Variants in ENTREP2 observed in about 807,000 individuals in gnomAD.
ENTREP2 encodes the protein endosomal transmembrane epsin interactor 2.
At chr15:29,155,290 A>C in the ENTREP2 span, among the ~76,000 whole-genome samples, 1 of 44,556 alleles carries the variant, frequency 2.2e-5, no homozygotes, top group Non-Finnish European at 4.3e-5. Context: ...TCATAAAAAG[A>C]AAAAAAAAAA....
chr15:29,560,707 G>T, the ENTREP2 span, among the ~76,000 whole-genome samples: 1 of 152,036 alleles, frequency 6.6e-6, no homozygotes, highest in South Asian at 2.1e-4. Context: ...CTCATCTAGG[G>T]AGGTCTGTTT....
At chr15:29,199,115 T>C in the ENTREP2 span, among the ~76,000 whole-genome samples, 1 of 152,230 alleles carries the variant, frequency 6.6e-6, no homozygotes, top group East Asian at 1.9e-4. Flanking sequence ...AAATACCTAT[T>C]GATCAGAGCT....
At chr15:29,293,184 A>G in the ENTREP2 span, among the ~76,000 whole-genome samples, 1 of 152,198 alleles carries the variant, frequency 6.6e-6, no homozygotes. Context: ...TGCACTAGGT[A>G]GGGAGGTTTT....
At chr15:29,253,452 C>T in the ENTREP2 span, among the ~76,000 whole-genome samples, 4 of 142,638 alleles carry the variant, frequency 2.8e-5, no homozygotes, top group Non-Finnish European at 3.0e-5. Flanking sequence ...GTCTCTCTCT[C>T]TTTTTTTTTT....
the ENTREP2 span, among the ~76,000 whole-genome samples, chr15:29,179,579 C>T: frequency 6.8e-6 from 1 of 147,670 alleles, no homozygotes; most frequent in Non-Finnish European, 1.5e-5. Context: ...GGGCCGGAGT[C>T]GTCTTTTTTT....
At chr15:29,662,116 C>G in the ENTREP2 span, among the ~76,000 whole-genome samples, 1 of 149,426 alleles carries the variant, frequency 6.7e-6, no homozygotes, top group Admixed American at 6.8e-5. Flanking sequence ...GAGGCTGAAG[C>G]CAGAGGATTG....
At chr15:29,170,205 G>A in the ENTREP2 span, among the ~76,000 whole-genome samples, 14 of 151,196 alleles carry the variant, frequency 9.3e-5, no homozygotes, top group African/African-American at 3.4e-4. Flanking sequence ...CTACTCAGGA[G>A]GCTGAGGCAG....
chr15:29,645,488 T>C, the ENTREP2 span, among the ~76,000 whole-genome samples: 1 of 152,188 alleles, frequency 6.6e-6, no homozygotes, highest in Non-Finnish European at 1.5e-5. Flanking sequence ...CTCACCAAAG[T>C]TGCCACATTA....
the ENTREP2 span, among the ~76,000 whole-genome samples, chr15:29,371,495 A>G: frequency 6.6e-6 from 1 of 152,190 alleles, no homozygotes; most frequent in Non-Finnish European, 1.5e-5. Context: ...TGGGAAAAAA[A>G]TAGCATAAAT....
chr15:29,138,444 T>C, the ENTREP2 span, among the ~76,000 whole-genome samples: 1 of 152,152 alleles, frequency 6.6e-6, no homozygotes, highest in African/African-American at 2.4e-5. Context: ...GGCAAGAAGA[T>C]CCATGCTGCA....
chr15:29,578,228 G>A, the ENTREP2 span, among the ~76,000 whole-genome samples: 6 of 152,196 alleles, frequency 3.9e-5, no homozygotes, highest in African/African-American at 4.8e-5. Flanking sequence ...TGGAATGAAC[G>A]TAAAATGCTG....
the ENTREP2 span, among the ~76,000 whole-genome samples, chr15:29,171,712 A>T: frequency 2.0e-5 from 3 of 152,240 alleles, no homozygotes; most frequent in Admixed American, 2.0e-4. Flanking sequence ...TCACTGGTTA[A>T]TAACAATGAT....
At chr15:29,635,636 C>A in the ENTREP2 span, among the ~76,000 whole-genome samples, 1 of 152,220 alleles carries the variant, frequency 6.6e-6, no homozygotes, top group African/African-American at 2.4e-5. Flanking sequence ...TCCACGGAAA[C>A]AGACCCCGTG....
the ENTREP2 span, among the ~76,000 whole-genome samples, chr15:29,194,813 G>A: frequency 0.011 from 1,688 of 152,284 alleles, 14 homozygotes; most frequent in African/African-American, 0.023. Context: ...CATGAGTGAA[G>A]GCGTTCAAGG....
chr15:29,317,142 G>T, the ENTREP2 span, among the ~76,000 whole-genome samples: 1 of 152,108 alleles, frequency 6.6e-6, no homozygotes, highest in Non-Finnish European at 1.5e-5. Flanking sequence ...TACTAGAATA[G>T]AACTAAATTT....
chr15:29,400,876 G>A, the ENTREP2 span, among the ~76,000 whole-genome samples: 4 of 152,344 alleles, frequency 2.6e-5, no homozygotes, highest in South Asian at 8.3e-4. Flanking sequence ...AGAGTGGGTG[G>A]AGTCCCGTCC....
At chr15:29,406,644 C>G in the ENTREP2 span, among the ~76,000 whole-genome samples, 1 of 152,126 alleles carries the variant, frequency 6.6e-6, no homozygotes, top group African/African-American at 2.4e-5. Context: ...CTTACACAAT[C>G]TGAAGTCAAA....
the ENTREP2 span, among the ~76,000 whole-genome samples, chr15:29,500,899 G>C: frequency 6.6e-6 from 1 of 151,850 alleles, no homozygotes; most frequent in Non-Finnish European, 1.5e-5. Flanking sequence ...AGGAATGAAA[G>C]AGAGAATATC....
the ENTREP2 span, among the ~76,000 whole-genome samples, chr15:29,527,336 C>A: frequency 6.4e-3 from 977 of 152,260 alleles, 9 homozygotes; most frequent in Admixed American, 0.01. Context: ...AAAGGGGGTT[C>A]CATGGGAAAA....
Sources: allele counts gnomAD v4.1 joint callset (sites outside exome capture counted in the v4.1 genomes callset), GRCh38; gene constraint gnomAD v4.1.1; transcripts MANE v1.5; gene names NCBI Gene and HGNC (gene_info 2026-07-23, HGNC 2026-07-21).